Variants in DYSF observed in about 807,000 individuals in gnomAD.
DYSF encodes the protein dysferlin.
Under a neutral mutation model 274.9 loss-of-function variants are expected in DYSF, and 212 were observed. That is an observed-to-expected ratio of 0.77 (90% CI 0.69 to 0.86). DYSF has a LOEUF of 0.86. DYSF is among the 40% of genes least tolerant of loss of function. The pLI, the probability that DYSF is intolerant of heterozygous loss-of-function variation, is 0.00. For missense variants in DYSF, 2,666 were observed against 2,783.2 expected (o/e 0.96, Z 0.95); for synonymous variants, 1,091 against 1,078.7 (o/e 1.01, Z -0.22).
intron 36 of DYSF, among the ~76,000 whole-genome samples, chr2:71,606,484 C>T (rs554081573): frequency 6.6e-6 from 1 of 152,240 alleles, no homozygotes; most frequent in East Asian, 1.9e-4. Flanking sequence ...TGAGAGGCTT[C>T]CCAGTTGCAG....
chr2:71,558,153 A>G (rs1247032655), intron 22 of DYSF, among the ~76,000 whole-genome samples: 1 of 152,142 alleles, frequency 6.6e-6, no homozygotes, highest in East Asian at 1.9e-4. Flanking sequence ...CTGCTCTGTA[A>G]TGGACAGAAC....
At chr2:71,600,966 C>A in intron 34 of DYSF, 124 bp downstream of exon 34, 2 of 1,326,664 alleles carry the variant, frequency 1.5e-6, no homozygotes, top group Non-Finnish European at 2.1e-6. Context: ...ATTTTCTGAA[C>A]CCTAAGTCAG....
At chr2:71,674,153 A>G (rs769395587) in intron 51 of DYSF, 44 bp from the exon 52 acceptor site, 1 of 1,583,316 alleles carries the variant, frequency 6.3e-7, no homozygotes, top group Admixed American at 1.7e-5. Context: ...GCCTCTCTCT[A>G]ACCTTGCTTC....
At chr2:71,635,362 T>G (rs2094382999) in intron 41 of DYSF, among the ~76,000 whole-genome samples, 1 of 152,236 alleles carries the variant, frequency 6.6e-6, no homozygotes, top group Non-Finnish European at 1.5e-5. Flanking sequence ...CACATTCTGC[T>G]GTTTAGGCAT....
intron 30 of DYSF, among the ~76,000 whole-genome samples, chr2:71,578,473 C>A (rs1415842581): frequency 6.6e-6 from 1 of 152,144 alleles, no homozygotes; most frequent in Non-Finnish European, 1.5e-5. Context: ...TCATGGGGAA[C>A]TCCTGTCTGA....
At chr2:71,640,687 C>T (rs1175004714) in intron 41 of DYSF, among the ~76,000 whole-genome samples, 1 of 151,464 alleles carries the variant, frequency 6.6e-6, no homozygotes, top group Non-Finnish European at 1.5e-5. Flanking sequence ...GCCATCTGTT[C>T]GTTAGTGTTT....
chr2:71,457,852 T>C (rs1164258644), intron 1 of DYSF, among the ~76,000 whole-genome samples: 1 of 152,154 alleles, frequency 6.6e-6, no homozygotes, highest in Non-Finnish European at 1.5e-5. Flanking sequence ...GTGGGCAACC[T>C]GTGGTGCGTA....
At chr2:71,673,942 C>T (rs1000762399) in intron 51 of DYSF, among the ~76,000 whole-genome samples, 3 of 152,128 alleles carry the variant, frequency 2.0e-5, no homozygotes, top group Non-Finnish European at 4.4e-5. Flanking sequence ...GAGTGATAAC[C>T]TTGACTTACA....
chr2:71,523,880 C>G (rs568338851), intron 12 of DYSF, among the ~76,000 whole-genome samples: 9 of 152,116 alleles, frequency 5.9e-5, no homozygotes, highest in African/African-American at 2.2e-4. Flanking sequence ...TAGAATCACG[C>G]GTGTCTCCTC....
At chr2:71,577,365 G>A (rs1219402856) in intron 30 of DYSF, among the ~76,000 whole-genome samples, 1 of 149,560 alleles carries the variant, frequency 6.7e-6, no homozygotes, top group Non-Finnish European at 1.5e-5. Flanking sequence ...GCACACTAAC[G>A]CACACATACA....
chr2:71,680,503 G>C (rs2095282569), intron 53 of DYSF, among the ~76,000 whole-genome samples: 1 of 152,122 alleles, frequency 6.6e-6, no homozygotes, highest in Admixed American at 6.6e-5. Context: ...TAAAAGTCTA[G>C]GTTCTGGGAT....
Position 71,589,624 on chromosome 2 carries a change from C to A in DYSF, c.3434C>A (p.Ser1145Tyr), listed in dbSNP as rs755517171. Reference sequence around the variant, plus strand: ...GTGATGGATGACAAGAGTGAAGATTCCATGTCCGTCTCCACCTTGAGCTTC... The same window carrying A: ...GTGATGGATGACAAGAGTGAAGATTACATGTCCGTCTCCACCTTGAGCTTC... ...GGVMDDKSEDSMSVSTLSFGV... is the reference protein window; with the variant it reads ...GGVMDDKSEDYMSVSTLSFGV... Residue 1145 changes from serine to tyrosine, a missense_variant, in exon 31 of 56, where the codon TCC becomes TAC. By Grantham distance (144) the Ser-to-Tyr change is moderately radical (BLOSUM62 -2). Transcript: ENST00000410020. 6 of 1,614,138 alleles carry A rather than the reference C, an allele frequency of 3.7e-6. No homozygotes were observed. In the Admixed American group the frequency reaches 1.0e-4, roughly 27 times the overall value.
chr2:71,549,492 G>A, intron 17 of DYSF: 1 of 1,202,258 alleles, frequency 8.3e-7, no homozygotes, highest in Non-Finnish European at 1.2e-6. Context: ...ATTTGCCTGA[G>A]GTGGGATTGA....
rs77728787 is a variant in DYSF, at chr2:71,605,395, C to T, written c.3957+2590C>T. Among the ~76,000 whole-genome samples the T allele has an allele frequency of 1.8e-3, 272 of 152,248 alleles. 2 individuals carry two copies. The highest frequency in any genetic ancestry group is 6.1e-3 in the African/African-American group (254 of 41,520). On this transcript the variant is annotated intron_variant, in intron 36 of 55. Transcript: ENST00000410020. Reference sequence around the variant, plus strand: ...GAGCATGTGCGAGTGTGTACACTCTCGAGGGCACACACATGCACGCACACA... The same window carrying T: ...GAGCATGTGCGAGTGTGTACACTCTTGAGGGCACACACATGCACGCACACA...
chr2:71,575,909 T>A (rs2092685149), intron 30 of DYSF, among the ~76,000 whole-genome samples: 1 of 152,200 alleles, frequency 6.6e-6, no homozygotes, highest in South Asian at 2.1e-4. Context: ...ACACGGGCTC[T>A]CTCTGTGTGG....
rs753111065 is a variant in DYSF at position 71,515,652 on chromosome 2, G to C, written c.789G>C (p.Gln263His). 6 of 1,614,018 alleles carry C rather than the reference G, an allele frequency of 3.7e-6. No homozygotes were observed. Among genetic ancestry groups the C allele is most frequent in the Admixed American group, 1.7e-5 (1 of 60,010 alleles). The change falls in exon 8 of 56, where the codon CAG becomes CAC. Residue 263 changes from glutamine to histidine, a missense_variant. Transcript: ENST00000410020. The part of the protein sequence containing the change: ...QIRVQVIEGR[Q>H]LPGVNIKPVV... ...GGGTCCAGGTGATCGAGGGGCGCCA[G>C]CTGCCGGGGGTGAACATCAAGCCTG... is the stretch of plus-strand genomic sequence containing the variant.
At chr2:71,624,806 A>C (rs1192117145) in intron 41 of DYSF, among the ~76,000 whole-genome samples, 1 of 152,158 alleles carries the variant, frequency 6.6e-6, no homozygotes, top group African/African-American at 2.4e-5. Context: ...TATCTTATAT[A>C]ATTGTATAAG....
chr2:71,561,234 A>C (rs1033938724), intron 22 of DYSF, among the ~76,000 whole-genome samples: 5 of 152,158 alleles, frequency 3.3e-5, no homozygotes, highest in Non-Finnish European at 7.4e-5. Context: ...AGGTGGATAC[A>C]TCTGAGCTGC....
chr2:71,588,547 C>G (rs926412627), intron 30 of DYSF, among the ~76,000 whole-genome samples: 1 of 152,062 alleles, frequency 6.6e-6, no homozygotes, highest in African/African-American at 2.4e-5. Context: ...GGTGGCCCAG[C>G]AGAAGAATCC....
Sources: gnomAD v4.1 joint callset for allele counts (sites outside exome capture counted in the v4.1 genomes callset) on GRCh38, gnomAD v4.1.1 for gene constraint, MANE v1.5 for transcripts, NCBI Gene and HGNC (gene_info 2026-07-23, HGNC 2026-07-21) for gene names.